The following SMIM14 variants were observed in gnomAD, a reference collection of about 807,000 sequenced individuals.
The protein encoded by SMIM14 is small integral membrane protein 14.
SMIM14 carries 5 observed loss-of-function variants against 12.6 expected under a neutral mutation model. The ratio of observed to expected loss-of-function variants is 0.40; its 90% CI spans 0.21 to 0.83. SMIM14 has a LOEUF of 0.83. Ranked by LOEUF, SMIM14 falls within the 40% of genes least tolerant of loss-of-function variation. The pLI is 0.37. For missense variants in SMIM14, 86 were observed against 119.1 expected (o/e 0.72, Z 1.29); for synonymous variants, 30 against 40.1 (o/e 0.75, Z 0.95).
chr4:39,610,554 G>C (rs1191736258), intron 1 of SMIM14, among the ~76,000 whole-genome samples: 1 of 151,780 alleles, frequency 6.6e-6, no homozygotes, highest in Non-Finnish European at 1.5e-5. Flanking sequence ...AATTAGCTGG[G>C]TGTGGTGGCG....
chr4:39,595,836 C>G lies in SMIM14; in HGVS notation c.75+9235G>C, dbSNP rs143112850. ...TGTTGCCCAGGCTGGTTTCAAACTC[C>G]TAGACTCAAGTGATCGGTGGCCTCT... On this transcript the variant is annotated intron_variant, in intron 2 of 4. Coordinates refer to ENST00000295958, the MANE Select transcript of SMIM14 (RefSeq NM_174921.3). Among the ~76,000 whole-genome samples the G allele has an allele frequency of 1.7e-3, 260 of 152,126 alleles. 1 individual carries two copies. The highest frequency in any genetic ancestry group is 5.8e-3 in the African/African-American group (242 of 41,510).
chr4:39,620,930 T>A (rs1390883056), intron 1 of SMIM14: 1 of 152,210 alleles, frequency 6.6e-6, no homozygotes, highest in East Asian at 1.9e-4. Context: ...TATATCTATT[T>A]ATATTTATAT....
chr4:39,622,554 C>T (rs144468642), intron 1 of SMIM14, among the ~76,000 whole-genome samples: 24 of 152,300 alleles, frequency 1.6e-4, no homozygotes, highest in African/African-American at 5.8e-4. Context: ...GTGTGTGCCA[C>T]CACACCCAGC....
At chr4:39,578,354 C>A (rs1272341565) in intron 2 of SMIM14, among the ~76,000 whole-genome samples, 1 of 152,044 alleles carries the variant, frequency 6.6e-6, no homozygotes, top group Non-Finnish European at 1.5e-5. Flanking sequence ...AGCAGAGAGG[C>A]CTAATTTACA....
rs202014449 is a variant in SMIM14 at position 39,618,657 on chromosome 4, A to AC, written c.-35-13478_-35-13477insG. Among the ~76,000 whole-genome samples the AC allele has an allele frequency of 1.8e-4, 27 of 150,982 alleles. No individual in the cohort carries two copies. The East Asian group carries it at 4.5e-3, about 25-fold the overall frequency. Reference sequence around the variant, plus strand: ...AGAGCGAGACTCCATCTCAAAAAAAAAAAAAAACAAAAAAAAAAAACCAAA... The same window carrying AC: ...AGAGCGAGACTCCATCTCAAAAAAAACAAAAAAACAAAAAAAAAAAACCAAA... On this transcript the variant is annotated intron_variant, in intron 1 of 4. Coordinates refer to ENST00000295958, the MANE Select transcript of SMIM14 (RefSeq NM_174921.3).
chr4:39,602,889 GTTA>G (rs891545381), intron 2 of SMIM14, among the ~76,000 whole-genome samples: 1 of 152,178 alleles, frequency 6.6e-6, no homozygotes, highest in African/African-American at 2.4e-5. Context: ...CTGCTTATTA[GTTA>G]TTGACAACTT....
chr4:39,619,880 T>A (rs868553984), intron 1 of SMIM14, among the ~76,000 whole-genome samples: 1,142 of 97,192 alleles, frequency 0.012, 26 homozygotes, highest in African/African-American at 0.032. Context: ...ATATATATTT[T>A]TTTTTTTTTA....
intron 2 of SMIM14, among the ~76,000 whole-genome samples, chr4:39,588,747 G>C (rs1392717529): frequency 8.6e-5 from 13 of 151,918 alleles, no homozygotes; most frequent in East Asian, 3.9e-4. Context: ...GCTAAGTATG[G>C]GGAAAGGAGT....
At chr4:39,620,395 C>T (rs1005147562) in intron 1 of SMIM14, among the ~76,000 whole-genome samples, 2 of 151,964 alleles carry the variant, frequency 1.3e-5, no homozygotes, top group Non-Finnish European at 2.9e-5. Context: ...AGGAGAATGG[C>T]GTGAACCTGG....
intron 1 of SMIM14, among the ~76,000 whole-genome samples, chr4:39,635,547 G>A (rs1369085167): frequency 1.3e-5 from 2 of 152,160 alleles, no homozygotes; most frequent in Non-Finnish European, 2.9e-5. Flanking sequence ...GCTGATGGCA[G>A]TAGGGATGGG....
intron 4 of SMIM14, among the ~76,000 whole-genome samples, chr4:39,552,970 A>T (rs1711797817): frequency 6.6e-6 from 1 of 152,148 alleles, no homozygotes; most frequent in South Asian, 2.1e-4. Flanking sequence ...CTTATTCCTA[A>T]GATAGTGGAA....
At chr4:39,576,875 C>G (rs1198825605) in intron 2 of SMIM14, among the ~76,000 whole-genome samples, 4 of 149,870 alleles carry the variant, frequency 2.7e-5, no homozygotes, top group African/African-American at 7.3e-5. Context: ...TCACGCCCGG[C>G]TAATTTTGTA....
At chr4:39,579,655 C>G (rs1713393157) in intron 2 of SMIM14, among the ~76,000 whole-genome samples, 1 of 151,720 alleles carries the variant, frequency 6.6e-6, no homozygotes, top group Non-Finnish European at 1.5e-5. Context: ...CCAACCTGGC[C>G]AACATGGTGC....
At chr4:39,564,470 G>C (rs1712473201) in intron 3 of SMIM14, among the ~76,000 whole-genome samples, 1 of 152,124 alleles carries the variant, frequency 6.6e-6, no homozygotes, top group African/African-American at 2.4e-5. Flanking sequence ...CACATTTTCA[G>C]GTTAGGGATG....
chr4:39,622,015 C>A (rs1715515269), intron 1 of SMIM14, among the ~76,000 whole-genome samples: 1 of 151,326 alleles, frequency 6.6e-6, no homozygotes, highest in South Asian at 2.1e-4. Flanking sequence ...GAGAAATGAT[C>A]ACAACATAAT....
At position 39,554,618 on chromosome 4, in the gene SMIM14, A is replaced by G. The variant is rs1377961176; in HGVS notation, c.267+1810T>C. ...GTGAGACTCCATCTCAAAAAAAAAA[A>G]CAACAAAAACAAGCAAATCTATCAT... On this transcript the variant is annotated intron_variant, in intron 4 of 4. Transcript: ENST00000295958. Among the ~76,000 whole-genome samples, 4 of 149,822 alleles carry G rather than the reference A, an allele frequency of 2.7e-5. No individual in the cohort carries two copies. In the East Asian group the frequency reaches 5.8e-4, roughly 22 times the overall value.
chr4:39,600,862 C>T (rs879446499), intron 2 of SMIM14, among the ~76,000 whole-genome samples: 2 of 151,918 alleles, frequency 1.3e-5, no homozygotes, highest in Non-Finnish European at 2.9e-5. Context: ...CAGAGGGAGA[C>T]TCCATCTCAA....
At position 39,605,152 on chromosome 4, in the gene SMIM14, C is replaced by G; in HGVS notation, c.-7G>C. ...CAAATCCACCTTCTGCCATGATTAC[C>G]CAGCTTGATTTTACTTGACTGTTTA... On this transcript the variant is annotated 5_prime_UTR_variant, in exon 2 of 5. Coordinates refer to ENST00000295958, the MANE Select transcript of SMIM14 (RefSeq NM_174921.3). The G allele has an allele frequency of 1.9e-6, 3 of 1,599,092 alleles. No individual in the cohort carries two copies. Among genetic ancestry groups the G allele is most frequent in the Non-Finnish European group, 2.5e-6 (3 of 1,177,204 alleles).
chr4:39,602,790 CTAG>C (rs1714666136), intron 2 of SMIM14, among the ~76,000 whole-genome samples: 1 of 152,050 alleles, frequency 6.6e-6, no homozygotes, highest in African/African-American at 2.4e-5. Context: ...ATCACAAGTC[CTAG>C]TGCATGCTGA....
Sources: gnomAD v4.1 joint callset for allele counts (sites outside exome capture counted in the v4.1 genomes callset) on GRCh38, gnomAD v4.1.1 for gene constraint, MANE v1.5 for transcripts, NCBI Gene and HGNC (gene_info 2026-07-23, HGNC 2026-07-21) for gene names.